The following TUSC3 variants were observed in gnomAD, a reference collection of about 807,000 sequenced individuals.
TUSC3 encodes tumor suppressor candidate 3, also known as dolichyl-diphosphooligosaccharide--protein glycosyltransferase subunit TUSC3.
In TUSC3, 45 loss-of-function variants were observed where a neutral mutation model predicts 44.8. The observed-to-expected ratio is 1.00, with a 90% CI of 0.79 to 1.29. The LOEUF is 1.29. TUSC3 is among the 50% of genes most tolerant of loss of function. TUSC3 has a pLI of 0.00. For synonymous variants in TUSC3, 212 were observed against 152.9 expected, an observed-to-expected ratio of 1.39 and a Z score of -2.85; for missense variants, 519 against 437.9, an observed-to-expected ratio of 1.19 and a Z score of -1.65.
At position 15,732,963 on chromosome 8, in the gene TUSC3, T is replaced by C. The variant is rs116129416; in HGVS notation, c.862+2234T>C. Among the ~76,000 whole-genome samples the C allele has an allele frequency of 8.6e-3, 1,310 of 152,304 alleles. 19 individuals carry two copies. The highest frequency in any genetic ancestry group is 0.029 in the African/African-American group (1,213 of 41,560). On this transcript the variant is annotated intron_variant, in intron 7 of 10. Transcript: ENST00000503731. ...CATTTACTTACTTGCCTGTATGCTT[T>C]ATGGTTTCAAAATTAAGAAACTACT...
At position 15,540,347 on chromosome 8, in the gene TUSC3, G is replaced by A; in HGVS notation, c.-84G>A. The A allele has an allele frequency of 2.2e-6, 3 of 1,393,450 alleles. No individual in the cohort carries two copies. The highest frequency in any genetic ancestry group is 1.5e-5 in the African/African-American group (1 of 66,198). The allele number at this position is 1,393,450 out of a possible 1,614,324, so 86.3% of individuals were successfully genotyped here. A position where few individuals can be genotyped will look rare whatever the true frequency, so the allele number is the denominator to read the frequency against. On this transcript the variant is annotated 5_prime_UTR_variant, in exon 1 of 11. Transcript: ENST00000503731. ...CGGAGGGCCCAGCCAGCGGGCTCCC[G>A]GAGGCTGGCCGGGCAGGCGTGGTGC...
intron 1 of TUSC3, among the ~76,000 whole-genome samples, chr8:15,615,762 A>T (rs1280874471): frequency 6.6e-6 from 1 of 152,208 alleles, no homozygotes; most frequent in African/African-American, 2.4e-5. Flanking sequence ...TGTCAACTGA[A>T]AAGGAAAAAA....
intron 1 of TUSC3, among the ~76,000 whole-genome samples, chr8:15,432,349 A>G (rs969600308): frequency 6.6e-5 from 10 of 151,926 alleles, no homozygotes; most frequent in African/African-American, 2.4e-4. Flanking sequence ...TGTAGCATTT[A>G]TTTTTTGCTA....
At chr8:15,846,893 C>A in the TUSC3 span, among the ~76,000 whole-genome samples, 14,455 of 146,820 alleles carry the variant, frequency 0.098, 1,149 homozygotes, top group East Asian at 0.2. Flanking sequence ...AAAAAAAACA[C>A]ACACACAATT....
Position 15,569,284 on chromosome 8 carries a change from A to C in TUSC3, c.138+28716A>C, listed in dbSNP as rs146180740. Among the ~76,000 whole-genome samples, 203 of 152,190 alleles carry C rather than the reference A, an allele frequency of 1.3e-3. 2 individuals carry two copies. The highest frequency in any genetic ancestry group is 4.7e-3 in the African/African-American group (196 of 41,504). On this transcript the variant is annotated intron_variant, in intron 1 of 10. Coordinates refer to ENST00000503731, the MANE Select transcript of TUSC3 (RefSeq NM_006765.4). ...TGCACTGTTCTGCGTCTATATCTCT[A>C]TATAGTTTTTCTTGCTACTTGCTGG... is the stretch of plus-strand genomic sequence containing the variant.
chr8:15,623,994 C>A (rs1446158382), intron 2 of TUSC3, among the ~76,000 whole-genome samples: 1 of 152,066 alleles, frequency 6.6e-6, no homozygotes, highest in South Asian at 2.1e-4. Context: ...GACCTCTGAC[C>A]TCTGGCAATC....
intron 9 of TUSC3, among the ~76,000 whole-genome samples, chr8:15,752,761 T>A (rs1390675617): frequency 6.6e-6 from 1 of 152,040 alleles, no homozygotes; most frequent in Non-Finnish European, 1.5e-5. Flanking sequence ...AGAATCAAAG[T>A]TGAAAATAAC....
At chr8:15,847,416 G>A in the TUSC3 span, among the ~76,000 whole-genome samples, 3 of 152,006 alleles carry the variant, frequency 2.0e-5, no homozygotes, top group African/African-American at 4.8e-5. Flanking sequence ...TCATTCACTC[G>A]AAATGTTTGG....
chr8:15,701,231 A>C (rs936250824), intron 6 of TUSC3, among the ~76,000 whole-genome samples: 1 of 152,052 alleles, frequency 6.6e-6, no homozygotes, highest in Non-Finnish European at 1.5e-5. Flanking sequence ...TTCCCCCACA[A>C]AATTTCCTCA....
intron 1 of TUSC3, among the ~76,000 whole-genome samples, chr8:15,544,790 G>A (rs1166233844): frequency 1.3e-5 from 2 of 151,724 alleles, no homozygotes; most frequent in African/African-American, 4.8e-5. Context: ...TGATATGTAC[G>A]CATATATGCA....
chr8:15,758,161 G>T (rs1277913734), intron 10 of TUSC3: 3 of 1,090,450 alleles, frequency 2.8e-6, no homozygotes, highest in East Asian at 1.2e-4. Context: ...GGGAAAAAAG[G>T]CAGTCAACAA....
At chr8:15,574,900 A>T (rs1413531437) in intron 1 of TUSC3, among the ~76,000 whole-genome samples, 2 of 152,146 alleles carry the variant, frequency 1.3e-5, no homozygotes, top group Non-Finnish European at 2.9e-5. Flanking sequence ...TTTCAATTAT[A>T]AGGAGTGTCT....
At chr8:15,469,202 C>T (rs570000623) in intron 1 of TUSC3, among the ~76,000 whole-genome samples, 1 of 152,264 alleles carries the variant, frequency 6.6e-6, no homozygotes, top group Non-Finnish European at 1.5e-5. Flanking sequence ...CTGTGAAAGA[C>T]ACTGTCTAGA....
upstream of TUSC3, chr8:15,540,205 TTCCTGCCCCCA>T: frequency 1.8e-6 from 1 of 569,764 alleles, no homozygotes; most frequent in Non-Finnish European, 2.7e-6. Context: ...CCACGCCCAC[TTCCTGCCCCCA>T]TCCCGCGCCT....
intron 6 of TUSC3, among the ~76,000 whole-genome samples, chr8:15,725,841 T>C (rs760860596): frequency 3.9e-5 from 6 of 152,202 alleles, no homozygotes; most frequent in Non-Finnish European, 7.4e-5. Context: ...AGTACTGCAC[T>C]ACATTGTTTC....
Position 15,547,485 on chromosome 8 carries a change from T to A in TUSC3, c.138+6917T>A, listed in dbSNP as rs1342392606. ...AATACCTTAGTATAACTTACTGAAT[T>A]TAATGAACTTGGTGGTCGATAATAA... On this transcript the variant is annotated intron_variant, in intron 1 of 10. Coordinates refer to ENST00000503731, the MANE Select transcript of TUSC3 (RefSeq NM_006765.4). Among the ~76,000 whole-genome samples, 5 of 151,756 alleles carry A rather than the reference T, an allele frequency of 3.3e-5. No homozygotes were observed. The East Asian group carries it at 5.8e-4, about 18-fold the overall frequency.
At chr8:15,691,382 T>C (rs1394048526) in intron 6 of TUSC3, among the ~76,000 whole-genome samples, 1 of 152,222 alleles carries the variant, frequency 6.6e-6, no homozygotes, top group Non-Finnish European at 1.5e-5. Context: ...TTGCTGAAGT[T>C]GTTTAGCAGA....
chr8:15,538,714 C>T (rs185578767), upstream of TUSC3, among the ~76,000 whole-genome samples: 1 of 152,118 alleles, frequency 6.6e-6, no homozygotes, highest in African/African-American at 2.4e-5. Context: ...AGGCAGGCAA[C>T]AAACCACAGT....
chr8:15,567,497 C>A (rs1023831237), intron 1 of TUSC3, among the ~76,000 whole-genome samples: 1 of 152,116 alleles, frequency 6.6e-6, no homozygotes, highest in Non-Finnish European at 1.5e-5. Context: ...ACTTAAGATT[C>A]CTCTTAAATA....
Sources: gnomAD v4.1 joint callset for allele counts (sites outside exome capture counted in the v4.1 genomes callset) on GRCh38, gnomAD v4.1.1 for gene constraint, MANE v1.5 for transcripts, NCBI Gene and HGNC (gene_info 2026-07-23, HGNC 2026-07-21) for gene names.